The following MCMDC2 variants were observed in gnomAD, a reference collection of about 807,000 sequenced individuals.
The protein encoded by MCMDC2 is minichromosome maintenance domain-containing protein 2.
MCMDC2 carries 54 observed loss-of-function variants against 75.8 expected under a neutral mutation model. The ratio of observed to expected loss-of-function variants is 0.71; its 90% confidence interval spans 0.57 to 0.89. The LOEUF (loss-of-function observed/expected upper bound fraction) is 0.89, where lower values mean the gene tolerates loss of function less well. Ranked by LOEUF, MCMDC2 falls within the 40% of genes least tolerant of loss-of-function variation. The pLI, the probability that MCMDC2 is intolerant of heterozygous loss-of-function variation, is 0.00. For synonymous variants in MCMDC2, 249 were observed against 274.6 expected, an observed-to-expected ratio of 0.91 and a Z score of 0.92; for missense variants, 656 against 780.4, an observed-to-expected ratio of 0.84 and a Z score of 1.90.
At chr8:66,891,956 C>T (rs778411318) in intron 10 of MCMDC2, among the ~76,000 whole-genome samples, 8 of 152,190 alleles carry the variant, frequency 5.3e-5, no homozygotes, top group East Asian at 1.9e-4. Context: ...CAGGATGGCA[C>T]CTGAAAACTT....
chr8:66,878,979 C>T (rs1010492244), intron 7 of MCMDC2, 60 bp downstream of exon 7: 4 of 1,019,186 alleles, frequency 3.9e-6, no homozygotes, highest in African/African-American at 1.6e-5. Context: ...TGGCTGGGCA[C>T]AGTGGCTGGC....
chr8:66,905,221 T>C lies in MCMDC2; in HGVS notation c.1770-5T>C. 7.1e-7 allele frequency: 1 copy of C among 1,417,750 alleles called. No homozygotes were observed. The highest frequency in any genetic ancestry group is 2.7e-5 in the East Asian group (1 of 36,744). 87.8% of individuals were successfully genotyped at this position (1,417,750 alleles called of 1,614,324 possible). A position where few individuals can be genotyped will look rare whatever the true frequency, so the allele number is the denominator to read the frequency against. ...ATTTTCTTTGGCAACTATTTTCTTTTTTAGCGTTTTCCTATCTGAAGCCCA... is the reference window on the plus strand; with the variant it reads ...ATTTTCTTTGGCAACTATTTTCTTTCTTAGCGTTTTCCTATCTGAAGCCCA... On this transcript the variant is annotated splice_region_variant and splice_polypyrimidine_tract_variant and intron_variant, in intron 13 of 14. Coordinates refer to ENST00000422365, the MANE Select transcript of MCMDC2 (RefSeq NM_173518.5).
intron 14 of MCMDC2, among the ~76,000 whole-genome samples, chr8:66,905,965 A>G (rs1391244283): frequency 6.6e-6 from 1 of 151,394 alleles, no homozygotes; most frequent in Admixed American, 6.6e-5. Context: ...AGATTGCACC[A>G]CTGCACTCCA....
chr8:66,880,874 A>G lies in MCMDC2; in HGVS notation c.735A>G (p.Ile245Met). ...ATGAATCAGTGAATAAAATGAATATAGGAAATGAATATAAAATTATTGGAA... is the reference window on the plus strand; with the variant it reads ...ATGAATCAGTGAATAAAATGAATATGGGAAATGAATATAAAATTATTGGAA... Reference protein sequence around the residue: ...LRDESVNKMNIGNEYKIIGIP... With the variant: ...LRDESVNKMNMGNEYKIIGIP... Residue 245 changes from isoleucine (I) to methionine (M), a missense_variant, in exon 8 of 15, where the codon ATA becomes ATG. Physicochemically the swap from Ile to Met is conservative, Grantham distance 10. Coordinates refer to ENST00000422365, the MANE Select transcript of MCMDC2 (RefSeq NM_173518.5). 1 of 1,559,836 alleles carries G rather than the reference A, an allele frequency of 6.4e-7. No individual in the cohort carries two copies. The highest frequency in any genetic ancestry group is 1.2e-5 in the South Asian group (1 of 80,196).
rs1812850713 is a variant in MCMDC2 at position 66,905,068 on chromosome 8, A to G, written c.1770-158A>G. Among the ~76,000 whole-genome samples, 5 of 151,992 alleles carry G rather than the reference A, an allele frequency of 3.3e-5. No homozygotes were observed. In the South Asian group the frequency reaches 1.0e-3, roughly 32 times the overall value. ...GAACAGTCTATTTAAGTCGGTGGGG[A>G]AAAAAAATCCTTTGAAAAGAAACTA... On this transcript the variant is annotated intron_variant, in intron 13 of 14. Coordinates refer to ENST00000422365, the MANE Select transcript of MCMDC2 (RefSeq NM_173518.5).
At chr8:66,903,136 C>G (rs942201176) in intron 13 of MCMDC2, among the ~76,000 whole-genome samples, 37 of 147,932 alleles carry the variant, frequency 2.5e-4, no homozygotes, top group African/African-American at 8.9e-4. Flanking sequence ...AAAAAAAAAG[C>G]AAACAGTGTA....
chr8:66,871,915 T>A (rs1456297205), intron 1 of MCMDC2, among the ~76,000 whole-genome samples: 1 of 145,016 alleles, frequency 6.9e-6, no homozygotes, highest in Non-Finnish European at 1.5e-5. Context: ...AAAAAAAAAA[T>A]CTGACTATAA....
At chr8:66,892,275 G>A (rs1349674650) in intron 10 of MCMDC2, among the ~76,000 whole-genome samples, 1 of 152,220 alleles carries the variant, frequency 6.6e-6, no homozygotes, top group Non-Finnish European at 1.5e-5. Flanking sequence ...AAACAAGAGT[G>A]TGTCACCACT....
At chr8:66,914,778 A>T (rs549585864) in intron 14 of MCMDC2, among the ~76,000 whole-genome samples, 37 of 152,300 alleles carry the variant, frequency 2.4e-4, no homozygotes, top group African/African-American at 8.9e-4. Flanking sequence ...ATAATGAGAG[A>T]TTCAACTAGG....
intron 14 of MCMDC2, among the ~76,000 whole-genome samples, chr8:66,917,641 A>G (rs1344355721): frequency 6.6e-6 from 1 of 152,166 alleles, no homozygotes; most frequent in East Asian, 1.9e-4. Context: ...TAGGTACCTC[A>G]TATAAGTGGA....
intron 13 of MCMDC2, among the ~76,000 whole-genome samples, chr8:66,902,692 C>CAAGAAA (rs1812725724): frequency 1.7e-5 from 1 of 57,230 alleles, no homozygotes; most frequent in East Asian, 5.5e-4. Flanking sequence ...GATTCTGTCT[C>CAAGAAA]AAAAAAAAAA....
chr8:66,877,108 G>T (rs1333828677), intron 4 of MCMDC2, among the ~76,000 whole-genome samples: 1 of 152,024 alleles, frequency 6.6e-6, no homozygotes. Flanking sequence ...GTCAGAAATT[G>T]TGTATATTTA....
intron 13 of MCMDC2, among the ~76,000 whole-genome samples, chr8:66,903,483 G>C (rs947587515): frequency 2.0e-5 from 3 of 152,132 alleles, no homozygotes; most frequent in Non-Finnish European, 4.4e-5. Flanking sequence ...ATCAAATAAA[G>C]AAATGGTCTA....
intron 14 of MCMDC2, among the ~76,000 whole-genome samples, chr8:66,914,187 G>A (rs955365040): frequency 9.9e-5 from 15 of 151,056 alleles, no homozygotes; most frequent in African/African-American, 3.4e-4. Flanking sequence ...ATAAGCTGAG[G>A]TGGGAGGATG....
At chr8:66,895,248 G>A (rs1406281016) in intron 10 of MCMDC2, among the ~76,000 whole-genome samples, 1 of 152,086 alleles carries the variant, frequency 6.6e-6, no homozygotes, top group Non-Finnish European at 1.5e-5. Context: ...TTTTTCATCA[G>A]TGGTTGGTTG....
At chr8:66,882,699 A>G (rs1160447360) in intron 8 of MCMDC2, among the ~76,000 whole-genome samples, 1 of 152,190 alleles carries the variant, frequency 6.6e-6, no homozygotes, top group Non-Finnish European at 1.5e-5. Context: ...TACTGTGGAT[A>G]ATCATCAGTA....
At chr8:66,916,748 G>A (rs1395119270) in intron 14 of MCMDC2, among the ~76,000 whole-genome samples, 1 of 152,174 alleles carries the variant, frequency 6.6e-6, no homozygotes, top group Non-Finnish European at 1.5e-5. Flanking sequence ...AAGTGAACTG[G>A]AAGCATAGGA....
intron 7 of MCMDC2, 25 bp downstream of exon 7, chr8:66,878,944 A>T: frequency 2.1e-6 from 3 of 1,422,628 alleles, no homozygotes; most frequent in Non-Finnish European, 3.0e-6. Context: ...TTTGAACTAA[A>T]AAAAAATTGC....
In MCMDC2 at chr8:66,919,236, T is replaced by TGAC. The variant is rs2130876955; in HGVS notation, c.*68_*70dup. 7.7e-7 allele frequency: 1 copy of TGAC among 1,295,210 alleles called. No homozygotes were observed. The highest frequency in any genetic ancestry group is 2.6e-5 in the Admixed American group (1 of 39,140). The allele number at this position is 1,295,210 out of a possible 1,614,324, so 80.2% of individuals were successfully genotyped here. ...AGAAAAAGTGTGACTATTTTGAGAG[T>TGAC]GACTTTGAAGTAATGCTTTGATAAT... On this transcript the variant is annotated 3_prime_UTR_variant, in exon 15 of 15. Transcript: ENST00000422365.
Sources: gnomAD v4.1 joint callset for allele counts (sites outside exome capture counted in the v4.1 genomes callset) on GRCh38, gnomAD v4.1.1 for gene constraint, MANE v1.5 for transcripts, NCBI Gene and HGNC (gene_info 2026-07-23, HGNC 2026-07-21) for gene names.